RAPGEF4: variants seen among roughly 807,000 people sequenced by gnomAD.
The protein encoded by RAPGEF4 is Rap guanine nucleotide exchange factor 4.
Under a neutral mutation model 147.9 loss-of-function variants are expected in RAPGEF4, and 66 were observed. That is an observed-to-expected ratio of 0.45 (90% CI 0.37 to 0.55). RAPGEF4 has a LOEUF of 0.55. RAPGEF4 is among the 20% of genes least tolerant of loss of function. RAPGEF4 has a pLI of 0.00. For synonymous variants in RAPGEF4, 419 were observed against 442.7 expected (o/e 0.95, Z 0.67); for missense variants, 1,071 against 1,257.3 (o/e 0.85, Z 2.24).
intron 1 of RAPGEF4, among the ~76,000 whole-genome samples, chr2:172,759,871 G>A (rs79100949): frequency 0.014 from 2,176 of 152,208 alleles, 51 homozygotes; most frequent in African/African-American, 0.049. Context: ...AACCCTGGAC[G>A]TTATATATAA....
At chr2:173,041,543 T>C (rs1020273900) in intron 29 of RAPGEF4, among the ~76,000 whole-genome samples, 1 of 152,110 alleles carries the variant, frequency 6.6e-6, no homozygotes, top group Non-Finnish European at 1.5e-5. Context: ...ACACATGAAA[T>C]ATTAAAAATC....
intron 4 of RAPGEF4, among the ~76,000 whole-genome samples, chr2:172,853,986 C>T (rs761016609): frequency 6.6e-6 from 1 of 151,980 alleles, no homozygotes; most frequent in Non-Finnish European, 1.5e-5. Flanking sequence ...TTATATTTCA[C>T]TGTTGAGATT....
chr2:172,834,873 A>AT (rs988223759), intron 4 of RAPGEF4, among the ~76,000 whole-genome samples: 1 of 151,996 alleles, frequency 6.6e-6, no homozygotes, highest in East Asian at 1.9e-4. Flanking sequence ...TCTTTCTTTG[A>AT]TTTTTTTCTT....
intron 1 of RAPGEF4, among the ~76,000 whole-genome samples, chr2:172,743,300 A>T (rs555792692): frequency 6.6e-6 from 1 of 152,264 alleles, no homozygotes; most frequent in Admixed American, 6.5e-5. Flanking sequence ...GACAGAAAAC[A>T]ATCTGGCTGA....
At chr2:172,742,956 T>C (rs985412509) in intron 1 of RAPGEF4, among the ~76,000 whole-genome samples, 2 of 152,204 alleles carry the variant, frequency 1.3e-5, no homozygotes, top group African/African-American at 4.8e-5. Context: ...TTCTCTCAAA[T>C]GGATTTCTGG....
chr2:172,878,646 A>C (rs1030277317), intron 4 of RAPGEF4, among the ~76,000 whole-genome samples: 1 of 152,214 alleles, frequency 6.6e-6, no homozygotes, highest in African/African-American at 2.4e-5. Context: ...TTTAGAAACA[A>C]CACCTGGATG....
chr2:172,961,157 T>G lies in RAPGEF4; in HGVS notation c.627T>G (p.Ile209Met). The change falls in exon 8 of 31, where the codon ATT becomes ATG. Residue 209 changes from isoleucine to methionine, a missense_variant. Coordinates refer to ENST00000397081, the MANE Select transcript of RAPGEF4 (RefSeq NM_007023.4). ...AGAAGATCCTCAGAGCTGGAAAAAT[T>G]TTACGAAATGCCATTCTCTCTCGAG... ...PSEKILRAGK[I>M]LRNAILSRAP... 1.2e-6 allele frequency: 2 copies of G among 1,613,132 alleles called. No homozygotes were observed. The highest frequency in any genetic ancestry group is 2.2e-5 in the South Asian group (2 of 91,056).
chr2:172,787,785 C>T (rs1685370088), intron 1 of RAPGEF4, among the ~76,000 whole-genome samples: 1 of 151,860 alleles, frequency 6.6e-6, no homozygotes, highest in Admixed American at 6.6e-5. Flanking sequence ...ATGCTTGGCT[C>T]ATTTTTAAAT....
At chr2:172,778,700 T>C (rs971394995) in intron 1 of RAPGEF4, among the ~76,000 whole-genome samples, 15 of 152,246 alleles carry the variant, frequency 9.9e-5, no homozygotes, top group Admixed American at 6.5e-4. Context: ...ATTTATTATA[T>C]GGTTTATACC....
chr2:172,925,768 A>G (rs888314563), intron 6 of RAPGEF4, among the ~76,000 whole-genome samples: 3 of 39,900 alleles, frequency 7.5e-5, no homozygotes, highest in Non-Finnish European at 2.1e-4. Context: ...AGAAAGGAAG[A>G]AAGAAAGAAA....
chr2:172,833,733 T>G (rs1317901261), intron 4 of RAPGEF4, among the ~76,000 whole-genome samples: 1 of 152,192 alleles, frequency 6.6e-6, no homozygotes, highest in Admixed American at 6.5e-5. Context: ...CCAGATACAT[T>G]TTGTGACTAG....
At chr2:172,849,889 T>C (rs1692617271) in intron 4 of RAPGEF4, among the ~76,000 whole-genome samples, 1 of 152,238 alleles carries the variant, frequency 6.6e-6, no homozygotes, top group Non-Finnish European at 1.5e-5. Flanking sequence ...TTGTCCTTGG[T>C]CCATGTGCCT....
intron 4 of RAPGEF4, chr2:172,917,549 A>G: frequency 3.0e-6 from 2 of 666,454 alleles, no homozygotes; most frequent in Admixed American, 4.0e-5. Flanking sequence ...TCAGGCAGCC[A>G]CAGATATATA....
chr2:172,855,057 A>G (rs1389734765), intron 4 of RAPGEF4, among the ~76,000 whole-genome samples: 2 of 152,166 alleles, frequency 1.3e-5, no homozygotes, highest in East Asian at 3.8e-4. Context: ...GGATGCTGTC[A>G]GCTAGCTGTA....
At chr2:172,956,165 C>T (rs1048248214) in intron 6 of RAPGEF4, among the ~76,000 whole-genome samples, 8 of 152,280 alleles carry the variant, frequency 5.3e-5, no homozygotes, top group African/African-American at 1.9e-4. Context: ...TCCAGGGTTC[C>T]AGCTCCCAGC....
At chr2:173,030,548 A>G (rs927559266) in intron 26 of RAPGEF4, among the ~76,000 whole-genome samples, 15 of 152,218 alleles carry the variant, frequency 9.9e-5, no homozygotes, top group African/African-American at 3.4e-4. Flanking sequence ...AAGGACCCAC[A>G]TTGCTGGGAA....
intron 15 of RAPGEF4, among the ~76,000 whole-genome samples, chr2:172,995,522 C>G (rs910478609): frequency 6.6e-6 from 1 of 152,068 alleles, no homozygotes; most frequent in Non-Finnish European, 1.5e-5. Context: ...TCAGGCAATC[C>G]GCCCGCCTCG....
chr2:172,758,504 A>G (rs1390102281), intron 1 of RAPGEF4, among the ~76,000 whole-genome samples: 2 of 152,216 alleles, frequency 1.3e-5, no homozygotes, highest in African/African-American at 2.4e-5. Context: ...AGGGAGAGCT[A>G]TAAGGAAGCT....
intron 4 of RAPGEF4, among the ~76,000 whole-genome samples, chr2:172,903,588 G>A (rs968052535): frequency 6.6e-6 from 1 of 151,854 alleles, no homozygotes; most frequent in East Asian, 1.9e-4. Context: ...AAGCTAAGAA[G>A]TAGCATGTTC....
Sources: gnomAD v4.1 joint callset for allele counts (sites outside exome capture counted in the v4.1 genomes callset) on GRCh38, gnomAD v4.1.1 for gene constraint, MANE v1.5 for transcripts, NCBI Gene and HGNC (gene_info 2026-07-23, HGNC 2026-07-21) for gene names.